The following ZNF608 variants were observed in gnomAD, a reference collection of about 807,000 sequenced individuals.
The protein encoded by ZNF608 is renal carcinoma antigen NY-REN-36.
ZNF608 carries 12 observed loss-of-function variants against 109.0 expected under a neutral mutation model. The ratio of observed to expected loss-of-function variants is 0.11; its 90% CI spans 0.07 to 0.18. ZNF608 has a LOEUF of 0.18. Ranked by LOEUF, ZNF608 falls within the 10% of genes least tolerant of loss-of-function variation. The pLI is 1.00. For synonymous variants in ZNF608, 732 were observed against 717.4 expected (o/e 1.02, Z -0.33); for missense variants, 1,707 against 1,879.3 (o/e 0.91, Z 1.70).
chr5:124,720,500 T>A (rs1483262042), intron 2 of ZNF608, among the ~76,000 whole-genome samples: 1 of 152,206 alleles, frequency 6.6e-6, no homozygotes, highest in African/African-American at 2.4e-5. Flanking sequence ...AACACCGGAA[T>A]TCATTCAGGT....
intron 3 of ZNF608, among the ~76,000 whole-genome samples, chr5:124,660,041 G>A (rs898409517): frequency 6.6e-6 from 1 of 152,060 alleles, no homozygotes; most frequent in Non-Finnish European, 1.5e-5. Flanking sequence ...TAAAACCTCT[G>A]AACAAGCTAT....
intron 9 of ZNF608, 85 bp from the exon 10 acceptor site, chr5:124,637,991 C>A: frequency 6.6e-7 from 1 of 1,513,840 alleles, no homozygotes; most frequent in African/African-American, 1.4e-5. Context: ...GCTCTTGTTG[C>A]CCAGGCTAGA....
intron 2 of ZNF608, among the ~76,000 whole-genome samples, chr5:124,732,064 A>G (rs1748934972): frequency 6.6e-6 from 1 of 152,164 alleles, no homozygotes; most frequent in Non-Finnish European, 1.5e-5. Context: ...AGATCTATAA[A>G]ATGAAGCTAT....
In ZNF608 at chr5:124,668,151, G is replaced by A. The variant is rs187573298; in HGVS notation, c.1163-18454C>T. Among the ~76,000 whole-genome samples the A allele has an allele frequency of 2.0e-3, 301 of 150,098 alleles. 1 individual carries two copies. Among genetic ancestry groups the A allele is most frequent in the African/African-American group, 7.1e-3 (290 of 40,926 alleles). On this transcript the variant is annotated intron_variant, in intron 3 of 9. Coordinates refer to ENST00000513986, the MANE Select transcript of ZNF608 (RefSeq NM_020747.3). ...AGGATTCACTTGAGCTCAGGGGTTT[G>A]AGACCAGCCTGAGCAACATATGGAG...
Position 124,646,930 on chromosome 5 carries a change from T to C in ZNF608, c.3454A>G (p.Thr1152Ala). 3 of 1,613,942 alleles carry C rather than the reference T, an allele frequency of 1.9e-6. No individual in the cohort carries two copies. Among genetic ancestry groups the C allele is most frequent in the Non-Finnish European group, 1.7e-6 (2 of 1,179,964 alleles). The change falls in exon 5 of 10, where the codon ACA becomes GCA. Residue 1152 changes from threonine to alanine, a missense_variant. Around this residue, in one of 7 missense-constraint regions of ZNF608, gnomAD observed 1,073 missense variants for 1,133.5 expected, o/e 0.95. Transcript: ENST00000513986. ...ETKQKNMPSATISKAPSTPEP... is the reference protein window; with the variant it reads ...ETKQKNMPSAAISKAPSTPEP... ...GGAGTAGAGGGAGCTTTTGAGATTG[T>C]GGCCGATGGCATATTTTTCTGTTTA...
At chr5:124,721,914 C>T (rs370391284) in intron 2 of ZNF608, among the ~76,000 whole-genome samples, 19 of 117,240 alleles carry the variant, frequency 1.6e-4, no homozygotes, top group African/African-American at 6.2e-4. Context: ...TGCACTCCAG[C>T]CTGGGCGACA....
In ZNF608 at chr5:124,647,650, C is replaced by A; in HGVS notation, c.2734G>T (p.Gly912Trp). Reference sequence around the variant, plus strand: ...TGCAGAGGTGCCATTGGTGCCTGCCCGTTCACCAAAGTGCTGCATTCCAGC... The same window carrying A: ...TGCAGAGGTGCCATTGGTGCCTGCCAGTTCACCAAAGTGCTGCATTCCAGC... ...SRLECSTLVN[G>W]QAPMAPLHVL... Residue 912 changes from glycine to tryptophan, a missense_variant, in exon 5 of 10, where the codon GGG becomes TGG. Gly to Trp is a radical substitution (Grantham distance 184, BLOSUM62 -2). Coordinates refer to ENST00000513986, the MANE Select transcript of ZNF608 (RefSeq NM_020747.3). 6.2e-7 allele frequency: 1 copy of A among 1,614,212 alleles called. No individual in the cohort carries two copies. Among genetic ancestry groups the A allele is most frequent in the Non-Finnish European group, 8.5e-7 (1 of 1,180,054 alleles).
intron 2 of ZNF608, chr5:124,710,170 T>C (rs1448755268): frequency 2.2e-6 from 1 of 453,322 alleles, no homozygotes. Context: ...GTTAGAAGTC[T>C]CTCATCCTTA....
At chr5:124,668,304 G>A (rs996538736) in intron 3 of ZNF608, among the ~76,000 whole-genome samples, 3 of 149,446 alleles carry the variant, frequency 2.0e-5, no homozygotes, top group African/African-American at 7.4e-5. Context: ...ACAAGGCTGA[G>A]ACCAGAGGAT....
intron 2 of ZNF608, among the ~76,000 whole-genome samples, chr5:124,726,925 A>C (rs749601540): frequency 1.3e-5 from 2 of 152,174 alleles, no homozygotes; most frequent in African/African-American, 2.4e-5. Context: ...GCAAACATCC[A>C]ACCAACTGGG....
intron 2 of ZNF608, among the ~76,000 whole-genome samples, chr5:124,702,758 G>C (rs1459078929): frequency 6.6e-6 from 1 of 152,178 alleles, no homozygotes; most frequent in Non-Finnish European, 1.5e-5. Flanking sequence ...TCTCAAAGCT[G>C]CCATAAAACT....
intron 7 of ZNF608, 29 bp downstream of exon 7, chr5:124,643,482 C>G (rs1750341832): frequency 2.5e-6 from 4 of 1,609,886 alleles, no homozygotes; most frequent in Non-Finnish European, 3.4e-6. Flanking sequence ...AATCACAGTA[C>G]TTTTAAATAA....
At chr5:124,651,526 G>C (rs933412171) in intron 3 of ZNF608, among the ~76,000 whole-genome samples, 7 of 152,322 alleles carry the variant, frequency 4.6e-5, no homozygotes, top group Admixed American at 6.5e-5. Context: ...GAATCACTGC[G>C]TTCCAGAGTC....
chr5:124,739,099 GA>G (rs1749269750), intron 2 of ZNF608, among the ~76,000 whole-genome samples: 1 of 152,142 alleles, frequency 6.6e-6, no homozygotes, highest in Admixed American at 6.5e-5. Flanking sequence ...TCTTTTGTCA[GA>G]ACCCAAGCAG....
chr5:124,710,352 C>A, intron 2 of ZNF608: 1 of 379,192 alleles, frequency 2.6e-6, no homozygotes, highest in South Asian at 2.0e-5. Context: ...GTATTTTCAA[C>A]TAAAATTTTA....
intron 3 of ZNF608, among the ~76,000 whole-genome samples, chr5:124,685,294 C>A (rs145534920): frequency 3.4e-4 from 52 of 151,682 alleles, no homozygotes; most frequent in African/African-American, 9.0e-4. Flanking sequence ...TCTTGCTACA[C>A]TTTTGTTGCT....
At chr5:124,746,142 A>G in intron 1 of ZNF608, 53 bp downstream of exon 1, 1 of 985,330 alleles carries the variant, frequency 1.0e-6, no homozygotes, top group South Asian at 4.7e-5. Context: ...GTCAAGAAAA[A>G]AATAAATAAA....
rs527721257 is a variant in ZNF608 at position 124,648,504 on chromosome 5, G to A, written c.1880C>T (p.Ser627Phe). 9 of 1,614,190 alleles carry A rather than the reference G, an allele frequency of 5.6e-6. No homozygotes were observed. The highest frequency in any genetic ancestry group is 4.0e-5 in the African/African-American group (3 of 75,048). ...CCCAGGTGGGTTTCCAGCACCAGGG[G>A]ATGCCGGTGCCTTCAACTGGTCATA... The part of the protein sequence containing the change: ...SAYDQLKAPA[S>F]PGAGNPPGTP... Residue 627 changes from serine to phenylalanine, a missense_variant, in exon 5 of 10, where the codon TCC becomes TTC. Coordinates refer to ENST00000513986, the MANE Select transcript of ZNF608 (RefSeq NM_020747.3).
intron 3 of ZNF608, among the ~76,000 whole-genome samples, chr5:124,673,700 A>G (rs1751823798): frequency 6.6e-6 from 1 of 152,212 alleles, no homozygotes; most frequent in South Asian, 2.1e-4. Flanking sequence ...AAGCCTAAAT[A>G]GAAAATGGAG....
Sources: gnomAD v4.1 joint callset for allele counts (sites outside exome capture counted in the v4.1 genomes callset) on GRCh38, gnomAD v4.1.1 for gene constraint, gnomAD v4.1.1 regional missense constraint, MANE v1.5 for transcripts, NCBI Gene and HGNC (gene_info 2026-07-23, HGNC 2026-07-21) for gene names.